The following DPP6 variants were observed in gnomAD, a reference collection of about 807,000 sequenced individuals.
DPP6 encodes the protein A-type potassium channel modulatory protein DPP6.
Under a neutral mutation model 122.6 loss-of-function variants are expected in DPP6, and 69 were observed. The observed-to-expected ratio is 0.56, with a 90% CI of 0.46 to 0.69. The LOEUF is 0.69. Ranked by LOEUF, DPP6 falls within the 30% of genes least tolerant of loss-of-function variation. The pLI, the probability that DPP6 is intolerant of heterozygous loss-of-function variation, is 0.00. For synonymous variants in DPP6, 418 were observed against 433.1 expected, an observed-to-expected ratio of 0.97 and a Z score of 0.43; for missense variants, 928 against 1,116.9, an observed-to-expected ratio of 0.83 and a Z score of 2.41.
chr7:154,288,454 G>A (rs1398596630), intron 1 of DPP6, among the ~76,000 whole-genome samples: 1 of 152,230 alleles, frequency 6.6e-6, no homozygotes, highest in African/African-American at 2.4e-5. Flanking sequence ...CTACTGACCA[G>A]CTGTGTGACC....
At chr7:154,433,367 A>C (rs1818604517) in intron 1 of DPP6, among the ~76,000 whole-genome samples, 1 of 150,418 alleles carries the variant, frequency 6.6e-6, no homozygotes, top group African/African-American at 2.5e-5. Context: ...TGGGGTTTCA[A>C]CCTATTGGCC....
chr7:153,804,037 A>G, the DPP6 span, among the ~76,000 whole-genome samples: 1 of 142,444 alleles, frequency 7.0e-6, no homozygotes, highest in Non-Finnish European at 1.5e-5. Flanking sequence ...CTGAAATTGC[A>G]CTATAATCCC....
At chr7:153,984,245 A>G (rs905593942) in intron 1 of DPP6, among the ~76,000 whole-genome samples, 14 of 152,190 alleles carry the variant, frequency 9.2e-5, no homozygotes, top group Non-Finnish European at 1.8e-4. Context: ...TGTGATTTCT[A>G]TCTAATGTGT....
At chr7:154,803,996 T>C in intron 14 of DPP6, 41 bp downstream of exon 14, 1 of 1,599,252 alleles carries the variant, frequency 6.3e-7, no homozygotes, top group Non-Finnish European at 8.5e-7. Context: ...TACTGGCCAA[T>C]GGGGCACATT....
At chr7:154,575,640 T>C (rs1162131777) in intron 5 of DPP6, among the ~76,000 whole-genome samples, 5 of 143,568 alleles carry the variant, frequency 3.5e-5, no homozygotes, top group African/African-American at 1.3e-4. Context: ...GTGGTGTGTG[T>C]GGTGTGTTTT....
At chr7:154,110,000 T>C (rs1179563253) in intron 1 of DPP6, among the ~76,000 whole-genome samples, 8 of 142,064 alleles carry the variant, frequency 5.6e-5, no homozygotes, top group South Asian at 2.4e-4. Flanking sequence ...TACCTAAATA[T>C]TGGTTGCTAG....
chr7:154,347,412 C>T (rs1410010805), intron 1 of DPP6, among the ~76,000 whole-genome samples: 3 of 152,166 alleles, frequency 2.0e-5, no homozygotes, highest in Non-Finnish European at 4.4e-5. Context: ...ATCCTTTCAT[C>T]TGCATGAAAA....
intron 18 of DPP6, among the ~76,000 whole-genome samples, 171 bp from the exon 19 acceptor site, chr7:154,872,453 G>C (rs567989566): frequency 6.6e-6 from 1 of 152,224 alleles, no homozygotes; most frequent in Non-Finnish European, 1.5e-5. Context: ...GCCCAAGGCC[G>C]CGCAGCAGGC....
At chr7:154,003,729 C>T (rs940461351) in intron 1 of DPP6, among the ~76,000 whole-genome samples, 3 of 151,944 alleles carry the variant, frequency 2.0e-5, no homozygotes, top group African/African-American at 7.3e-5. Context: ...AGTGGCCTTG[C>T]CAGGGGCATC....
intron 7 of DPP6, among the ~76,000 whole-genome samples, chr7:154,686,967 C>T (rs1335589648): frequency 6.6e-6 from 1 of 152,168 alleles, no homozygotes. Flanking sequence ...ACCAACCACT[C>T]CTCTGAATTT....
At chr7:154,387,846 C>T (rs10241125) in intron 1 of DPP6, among the ~76,000 whole-genome samples, 1,717 of 152,264 alleles carry the variant, frequency 0.011, 39 homozygotes, top group African/African-American at 0.039. Flanking sequence ...ATACCTTCCC[C>T]GACTTTCTCT....
intron 1 of DPP6, among the ~76,000 whole-genome samples, chr7:154,098,366 A>C (rs1208030936): frequency 1.3e-5 from 2 of 152,174 alleles, no homozygotes; most frequent in East Asian, 3.8e-4. Flanking sequence ...TTCTTTATAA[A>C]TTACCCAGTA....
the DPP6 span, among the ~76,000 whole-genome samples, chr7:153,814,726 C>T: frequency 1.2e-4 from 18 of 152,186 alleles, no homozygotes; most frequent in South Asian, 1.5e-3. Context: ...ACTGGCAAAA[C>T]GAATCCAGCA....
the DPP6 span, among the ~76,000 whole-genome samples, chr7:153,870,102 C>G: frequency 6.6e-6 from 1 of 152,142 alleles, no homozygotes; most frequent in African/African-American, 2.4e-5. Context: ...TTCATTTCAA[C>G]TTTGGTGAAT....
chr7:154,054,400 A>C (rs1800647111), intron 1 of DPP6, among the ~76,000 whole-genome samples: 1 of 151,876 alleles, frequency 6.6e-6, no homozygotes, highest in South Asian at 2.1e-4. Flanking sequence ...TGCTGTTGTT[A>C]TTGGTAGTTT....
At chr7:154,865,738 C>A (rs1455119025) in intron 17 of DPP6, among the ~76,000 whole-genome samples, 2 of 152,146 alleles carry the variant, frequency 1.3e-5, no homozygotes, top group African/African-American at 2.4e-5. Flanking sequence ...GCCCTGAAGA[C>A]CTTTGCAGCT....
chr7:153,965,295 A>G (rs1795639356), intron 1 of DPP6, among the ~76,000 whole-genome samples: 1 of 152,082 alleles, frequency 6.6e-6, no homozygotes, highest in African/African-American at 2.4e-5. Flanking sequence ...GTGTCTCTGC[A>G]TCTGCCTGTC....
At chr7:154,097,192 G>A (rs2907724) in intron 1 of DPP6, among the ~76,000 whole-genome samples, 3,545 of 146,160 alleles carry the variant, frequency 0.024, no homozygotes, top group East Asian at 0.15. Flanking sequence ...CCAGCCAATT[G>A]CATATCCACA....
At chr7:154,543,375 C>A (rs2130285632) in intron 4 of DPP6, among the ~76,000 whole-genome samples, 1 of 152,276 alleles carries the variant, frequency 6.6e-6, no homozygotes, top group East Asian at 1.9e-4. Flanking sequence ...CATAGCTGGT[C>A]ACTGCAAGGT....
Sources: gnomAD v4.1 joint callset for allele counts (sites outside exome capture counted in the v4.1 genomes callset) on GRCh38, gnomAD v4.1.1 for gene constraint, MANE v1.5 for transcripts, NCBI Gene and HGNC (gene_info 2026-07-23, HGNC 2026-07-21) for gene names.